Variants in TANC1 observed in about 807,000 individuals in gnomAD.
TANC1 encodes tetratricopeptide repeat, ankyrin repeat and coiled-coil containing 1.
A neutral mutation model predicts 149.7 loss-of-function variants in TANC1; 77 were observed. The observed-to-expected ratio is 0.51, with a 90% CI of 0.43 to 0.62. The LOEUF (loss-of-function observed/expected upper bound fraction) is 0.62. Among genes scored for constraint, TANC1 ranks in the 20% least tolerant of loss-of-function variants. The pLI, the probability that TANC1 is intolerant of heterozygous loss-of-function variation, is 0.00. For missense variants in TANC1, 1,985 were observed against 2,321.8 expected (o/e 0.85, Z 2.98); for synonymous variants, 854 against 925.0 (o/e 0.92, Z 1.39).
At chr2:159,162,422 AGTGGCCCAG>A (rs1327877985) in intron 7 of TANC1, among the ~76,000 whole-genome samples, 3 of 152,208 alleles carry the variant, frequency 2.0e-5, no homozygotes, top group African/African-American at 7.2e-5. Flanking sequence ...GGGCAGTGTG[AGTGGCCCAG>A]GTGATGATGA....
intron 3 of TANC1, among the ~76,000 whole-genome samples, chr2:159,095,781 G>T (rs2046060327): frequency 6.8e-6 from 1 of 147,786 alleles, no homozygotes; most frequent in African/African-American, 2.5e-5. Context: ...TGTCCTATAT[G>T]TCTCATATAA....
intron 1 of TANC1, among the ~76,000 whole-genome samples, chr2:158,976,875 C>T (rs769066164): frequency 1.3e-5 from 2 of 151,768 alleles, no homozygotes; most frequent in East Asian, 1.9e-4. Context: ...AATGAGACTC[C>T]GTCTTGAAAA....
chr2:159,218,463 G>A lies in TANC1; in HGVS notation c.3379-775G>A, dbSNP rs116507141. ...CTGGCCCTGCTGTGTCCTAAGTCAC[G>A]GGGAATTTTGGAAAGCATTTGTTAG... On this transcript the variant is annotated intron_variant, in intron 20 of 26. Transcript: ENST00000263635. 3.9e-3 allele frequency among the ~76,000 whole-genome samples: 599 copies of A among 152,256 alleles called. 6 individuals carry two copies. The highest frequency in any genetic ancestry group is 0.014 in the African/African-American group (571 of 41,530).
In TANC1 at chr2:159,232,370, T is replaced by C. The variant is rs2151016061; in HGVS notation, c.*1358T>C. ...TAAAATTGAGGAGAAGGAAGTTATA[T>C]ATTTGCAGAATGTTTTAAAGTGAAT... On this transcript the variant is annotated 3_prime_UTR_variant, in exon 27 of 27. Transcript: ENST00000263635. 1 of 152,770 alleles carries C rather than the reference T, an allele frequency of 6.5e-6. No individual in the cohort carries two copies. The highest frequency in any genetic ancestry group is 2.1e-4 in the South Asian group (1 of 4,826). The allele number at this position is 152,770 out of a possible 1,614,324, so 9.5% of individuals were successfully genotyped here. A position where few individuals can be genotyped will look rare whatever the true frequency, so the allele number is the denominator to read the frequency against.
At chr2:159,201,479 G>C (rs1013416409) in intron 19 of TANC1, among the ~76,000 whole-genome samples, 1 of 152,172 alleles carries the variant, frequency 6.6e-6, no homozygotes, top group Non-Finnish European at 1.5e-5. Flanking sequence ...CATGGGCCCC[G>C]GGATTCCCCA....
chr2:159,145,253 A>G (rs2051929882), intron 5 of TANC1, among the ~76,000 whole-genome samples: 2 of 152,224 alleles, frequency 1.3e-5, no homozygotes, highest in African/African-American at 4.8e-5. Flanking sequence ...TATGAACAGA[A>G]AGTTATGTAA....
chr2:159,132,476 T>C (rs1041516763), intron 4 of TANC1, among the ~76,000 whole-genome samples: 1 of 151,462 alleles, frequency 6.6e-6, no homozygotes, highest in African/African-American at 2.4e-5. Flanking sequence ...ACAGTTTTGT[T>C]TTGTTTTGTT....
rs186809823 is a variant in TANC1 at position 159,122,006 on chromosome 2, C to T, written c.260-14188C>T. On this transcript the variant is annotated intron_variant, in intron 4 of 26. Transcript: ENST00000263635. ...AGGCTGGAGTGCAGTGGCAGGATCACGGCTCACTGCAGCCTTAACCTCCCA... is the reference window on the plus strand; with the variant it reads ...AGGCTGGAGTGCAGTGGCAGGATCATGGCTCACTGCAGCCTTAACCTCCCA... Among the ~76,000 whole-genome samples the T allele has an allele frequency of 5.4e-3, 829 of 152,286 alleles. 12 individuals carry two copies. Among genetic ancestry groups the T allele is most frequent in the African/African-American group, 0.019 (778 of 41,544 alleles).
At chr2:159,006,190 C>T (rs1055884737) in intron 2 of TANC1, among the ~76,000 whole-genome samples, 2 of 149,800 alleles carry the variant, frequency 1.3e-5, no homozygotes, top group Admixed American at 6.7e-5. Context: ...CCAGCTACTC[C>T]GGAGGCTGAG....
At chr2:159,224,129 G>C in intron 22 of TANC1, 103 bp from the exon 23 acceptor site, 1 of 1,315,940 alleles carries the variant, frequency 7.6e-7, no homozygotes, top group East Asian at 2.3e-5. Context: ...ATAGGCAGAG[G>C]CATCTAAAAT....
At position 159,168,458 on chromosome 2, in the gene TANC1, C is replaced by T. The variant is rs1002939011; in HGVS notation, c.947-792C>T. ...GGGATTTCAGAGACCCGCCTCCATGCCCAGCTAATTTTTTTTGTTTTTTAG... is the reference window on the plus strand; with the variant it reads ...GGGATTTCAGAGACCCGCCTCCATGTCCAGCTAATTTTTTTTGTTTTTTAG... On this transcript the variant is annotated intron_variant, in intron 8 of 26. Transcript: ENST00000263635. Among the ~76,000 whole-genome samples the T allele has an allele frequency of 7.9e-5, 12 of 152,030 alleles. No homozygotes were observed. In the South Asian group the frequency reaches 1.9e-3, roughly 24 times the overall value.
At chr2:158,990,497 A>C (rs1447032163) in intron 1 of TANC1, among the ~76,000 whole-genome samples, 1 of 152,218 alleles carries the variant, frequency 6.6e-6, no homozygotes, top group African/African-American at 2.4e-5. Context: ...AGCAGAGCAC[A>C]GGAGCATTTC....
chr2:159,219,977 A>T lies in TANC1; in HGVS notation c.3678+110A>T, dbSNP rs55859574. Reference sequence around the variant, plus strand: ...AGGTTGTGTCTCAGTGTCATCAGAGAGTGTGTGTGTGTGTGTGTGTGTGTG... The same window carrying T: ...AGGTTGTGTCTCAGTGTCATCAGAGTGTGTGTGTGTGTGTGTGTGTGTGTG... On this transcript the variant is annotated intron_variant, in intron 22 of 26. Transcript: ENST00000263635. The T allele has an allele frequency of 0.23, 130,048 of 555,782 alleles. 12,199 individuals are homozygous for T. Among genetic ancestry groups the T allele is most frequent in the Admixed American group, 0.41 (11,627 of 28,368 alleles). The allele number at this position is 555,782 out of a possible 1,614,324, so 34.4% of individuals were successfully genotyped here.
At chr2:159,110,602 A>G (rs999184068) in intron 4 of TANC1, among the ~76,000 whole-genome samples, 1 of 152,240 alleles carries the variant, frequency 6.6e-6, no homozygotes, top group Non-Finnish European at 1.5e-5. Flanking sequence ...GGTGTGTGCC[A>G]TGGCACCCAG....
intron 22 of TANC1, among the ~76,000 whole-genome samples, chr2:159,221,874 T>C (rs1305168843): frequency 6.6e-6 from 1 of 152,202 alleles, no homozygotes; most frequent in African/African-American, 2.4e-5. Context: ...AAACTGATTT[T>C]ATCAGGCTCC....
At chr2:159,053,849 A>G (rs2041649068) in intron 2 of TANC1, among the ~76,000 whole-genome samples, 1 of 152,156 alleles carries the variant, frequency 6.6e-6, no homozygotes, top group African/African-American at 2.4e-5. Flanking sequence ...GGGCTAATGA[A>G]CTCAAGAGCT....
chr2:159,021,173 T>C (rs1161909824), intron 2 of TANC1, among the ~76,000 whole-genome samples: 1 of 152,164 alleles, frequency 6.6e-6, no homozygotes, highest in African/African-American at 2.4e-5. Context: ...GATCATCTTA[T>C]AGATAATACA....
intron 16 of TANC1, 83 bp from the exon 17 acceptor site, chr2:159,194,174 C>G (rs769438654): frequency 5.4e-6 from 6 of 1,108,864 alleles, no homozygotes; most frequent in Non-Finnish European, 8.2e-6. Context: ...AAAATGATAC[C>G]GAAAATTGAG....
At chr2:158,974,567 G>A (rs1413942259) in intron 1 of TANC1, among the ~76,000 whole-genome samples, 1 of 152,120 alleles carries the variant, frequency 6.6e-6, no homozygotes, top group East Asian at 1.9e-4. Flanking sequence ...CGAGTAGCTG[G>A]GATTACAGGC....
Sources: gnomAD v4.1 joint callset for allele counts (sites outside exome capture counted in the v4.1 genomes callset) on GRCh38, gnomAD v4.1.1 for gene constraint, MANE v1.5 for transcripts, NCBI Gene and HGNC (gene_info 2026-07-23, HGNC 2026-07-21) for gene names.